Variants in PRKCE observed in about 807,000 individuals in gnomAD.
PRKCE encodes protein kinase C epsilon.
In PRKCE, 16 loss-of-function variants were observed where a neutral mutation model predicts 85.4. The ratio of observed to expected loss-of-function variants is 0.19; its 90% confidence interval spans 0.13 to 0.28. The LOEUF (loss-of-function observed/expected upper bound fraction) is 0.28, where lower values mean the gene tolerates loss of function less well. PRKCE is among the 10% of genes least tolerant of loss of function. The pLI is 1.00. For synonymous variants in PRKCE, 388 were observed against 371.5 expected, an observed-to-expected ratio of 1.04 and a Z score of -0.51; for missense variants, 573 against 975.2, an observed-to-expected ratio of 0.59 and a Z score of 5.49.
At chr2:46,066,917 G>C (rs1191225269) in intron 10 of PRKCE, among the ~76,000 whole-genome samples, 2 of 152,180 alleles carry the variant, frequency 1.3e-5, no homozygotes, top group Non-Finnish European at 2.9e-5. Context: ...ATTTGAACTG[G>C]TGGTTAATCT....
intron 2 of PRKCE, among the ~76,000 whole-genome samples, chr2:45,944,527 C>T (rs1362623010): frequency 5.3e-5 from 8 of 152,100 alleles, no homozygotes; most frequent in African/African-American, 1.4e-4. Context: ...CTTGCTCTGT[C>T]GCCCAGGCTG....
intron 14 of PRKCE, among the ~76,000 whole-genome samples, chr2:46,166,396 A>G (rs997365449): frequency 6.6e-6 from 1 of 152,202 alleles, no homozygotes; most frequent in Admixed American, 6.5e-5. Context: ...TGTCCACCAC[A>G]TCCAAGCGGC....
chr2:45,901,269 G>C (rs1045433715), intron 2 of PRKCE, among the ~76,000 whole-genome samples: 1 of 152,172 alleles, frequency 6.6e-6, no homozygotes, highest in Non-Finnish European at 1.5e-5. Flanking sequence ...GGTTGCTTGA[G>C]GATTGAGATG....
intron 11 of PRKCE, among the ~76,000 whole-genome samples, chr2:46,142,553 C>T (rs75794846): frequency 0.015 from 2,270 of 152,358 alleles, 32 homozygotes; most frequent in Middle Eastern, 0.024. Context: ...CAGGAAGAAG[C>T]ATTTTGGTCA....
chr2:45,916,715 G>A (rs1475013063), intron 2 of PRKCE, among the ~76,000 whole-genome samples: 1 of 152,140 alleles, frequency 6.6e-6, no homozygotes, highest in Non-Finnish European at 1.5e-5. Context: ...AATAAAGCCC[G>A]ATTACAGAGT....
intron 2 of PRKCE, among the ~76,000 whole-genome samples, chr2:45,930,476 C>A (rs1487661511): frequency 6.6e-6 from 1 of 152,210 alleles, no homozygotes; most frequent in African/African-American, 2.4e-5. Flanking sequence ...TGGCCCTCTC[C>A]AGTCACCACT....
chr2:46,057,118 A>T (rs565862884), intron 10 of PRKCE, among the ~76,000 whole-genome samples: 29 of 152,278 alleles, frequency 1.9e-4, no homozygotes, highest in African/African-American at 7.0e-4. Flanking sequence ...TCCTCATAGC[A>T]TGGTGGCCTC....
At chr2:46,044,924 T>C (rs183063328) in intron 10 of PRKCE, among the ~76,000 whole-genome samples, 6 of 152,226 alleles carry the variant, frequency 3.9e-5, no homozygotes, top group African/African-American at 1.2e-4. Flanking sequence ...GTATGTTACA[T>C]GTTTGTATCT....
intron 1 of PRKCE, among the ~76,000 whole-genome samples, chr2:45,841,244 A>C (rs1691324141): frequency 6.6e-6 from 1 of 152,242 alleles, no homozygotes. Flanking sequence ...ACACGATCAC[A>C]AGGTGAAGTC....
At chr2:46,036,420 C>T (rs1432093289) in intron 10 of PRKCE, among the ~76,000 whole-genome samples, 1 of 151,974 alleles carries the variant, frequency 6.6e-6, no homozygotes, top group Non-Finnish European at 1.5e-5. Flanking sequence ...TCCACACACA[C>T]ACAAAATTAA....
chr2:45,884,089 C>T (rs1030204452), intron 2 of PRKCE, among the ~76,000 whole-genome samples: 2 of 152,202 alleles, frequency 1.3e-5, no homozygotes, highest in Admixed American at 6.5e-5. Context: ...TTTTAGAATA[C>T]TTGTTTTTGC....
intron 2 of PRKCE, among the ~76,000 whole-genome samples, chr2:45,912,095 G>A (rs1403777421): frequency 2.0e-5 from 3 of 152,096 alleles, no homozygotes; most frequent in African/African-American, 7.2e-5. Context: ...TTCTTCTAGT[G>A]TAGCAGTCAT....
chr2:45,806,816 G>A (rs1479239321), intron 1 of PRKCE, among the ~76,000 whole-genome samples: 6 of 152,202 alleles, frequency 3.9e-5, no homozygotes, highest in East Asian at 1.9e-4. Context: ...TACCATGTAC[G>A]TCAGGGACTA....
Position 46,004,338 on chromosome 2 carries a change from G to T in PRKCE, c.967-204G>T. On this transcript the variant is annotated intron_variant, in intron 7 of 14. Coordinates refer to ENST00000306156, the MANE Select transcript of PRKCE (RefSeq NM_005400.3). This position sits in a 1 kb window ranked among gnomAD's most constrained non-coding sequence, Gnocchi z 4.1. Reference sequence around the variant, plus strand: ...AAGGTGCACTGAAATTCCTTTTGTGGTTCTTGCTCTGGTCAGACGTCACAG... The same window carrying T: ...AAGGTGCACTGAAATTCCTTTTGTGTTTCTTGCTCTGGTCAGACGTCACAG... The T allele has an allele frequency of 1.9e-6, 1 of 513,612 alleles. No individual in the cohort carries two copies. The highest frequency in any genetic ancestry group is 3.6e-6 in the Non-Finnish European group (1 of 279,774). 31.8% of individuals were successfully genotyped at this position (513,612 alleles called of 1,614,324 possible).
intron 10 of PRKCE, among the ~76,000 whole-genome samples, chr2:46,015,715 G>GAAAAA (rs1706080548): frequency 2.2e-5 from 3 of 139,510 alleles, no homozygotes; most frequent in African/African-American, 2.7e-5. Flanking sequence ...AAAAAAAAAC[G>GAAAAA]AAGTAAAAAT....
chr2:45,982,639 T>G (rs530059938), intron 5 of PRKCE, among the ~76,000 whole-genome samples: 2 of 152,186 alleles, frequency 1.3e-5, no homozygotes, highest in Non-Finnish European at 2.9e-5. Flanking sequence ...TGTATCTGTG[T>G]CCTCCTCAGC....
Position 46,007,771 on chromosome 2 carries a change from T to G in PRKCE, c.1263+110T>G, listed in dbSNP as rs1705332042. 7.3e-6 allele frequency: 9 copies of G among 1,236,734 alleles called. No homozygotes were observed. In the East Asian group the frequency reaches 2.3e-4, roughly 31 times the overall value. The allele number at this position is 1,236,734 out of a possible 1,614,324, so 76.6% of individuals were successfully genotyped here. On this transcript the variant is annotated intron_variant, in intron 9 of 14. Coordinates refer to ENST00000306156, the MANE Select transcript of PRKCE (RefSeq NM_005400.3). ...AACCTTTCAGCCTGATCTCGTTAGG[T>G]TTTCTTTCCTTTTTTGTAAGTGCAA...
At chr2:45,679,097 A>G (rs1037340398) in intron 1 of PRKCE, among the ~76,000 whole-genome samples, 1 of 152,188 alleles carries the variant, frequency 6.6e-6, no homozygotes, top group Non-Finnish European at 1.5e-5. Flanking sequence ...AGAGAGAGAA[A>G]CACCCTTCTT....
intron 1 of PRKCE, among the ~76,000 whole-genome samples, chr2:45,818,342 C>G (rs1239624581): frequency 6.6e-6 from 1 of 152,196 alleles, no homozygotes; most frequent in African/African-American, 2.4e-5. Flanking sequence ...GGCTGCCCCA[C>G]ACCCCTCTGG....
Sources: allele counts gnomAD v4.1 joint callset (sites outside exome capture counted in the v4.1 genomes callset), GRCh38; gene constraint gnomAD v4.1.1; non-coding constraint Gnocchi (gnomAD v3.1); transcripts MANE v1.5; gene names NCBI Gene and HGNC (gene_info 2026-07-23, HGNC 2026-07-21).